Variants in PATJ observed in about 807,000 individuals in gnomAD.
The protein encoded by PATJ is PATJ crumbs cell polarity complex component, also known as inaD-like protein.
In PATJ, 190 loss-of-function variants were observed where a neutral mutation model predicts 224.9. The observed-to-expected ratio is 0.84, with a 90% CI of 0.75 to 0.95. PATJ has a LOEUF of 0.95. PATJ is among the 40% of genes least tolerant of loss of function. The pLI, the probability that PATJ is intolerant of heterozygous loss-of-function variation, is 0.00. For missense variants in PATJ, 2,121 were observed against 2,270.3 expected, an observed-to-expected ratio of 0.93 and a Z score of 1.34; for synonymous variants, 769 against 820.3, an observed-to-expected ratio of 0.94 and a Z score of 1.07.
In PATJ at chr1:61,972,931, G is replaced by C. The variant is rs529024253; in HGVS notation, c.3671-17237G>C. ...TATACTTTTTTTTCTGATAGGCTGT[G>C]GTTCAAAATACCCCAAAGACAGTGT... On this transcript the variant is annotated intron_variant, in intron 27 of 43. Coordinates refer to ENST00000642238, the MANE Select transcript of PATJ (RefSeq NM_001350145.3). Among the ~76,000 whole-genome samples the C allele has an allele frequency of 2.0e-5, 3 of 151,796 alleles. No homozygotes were observed. In the East Asian group the frequency reaches 5.8e-4, roughly 29 times the overall value.
intron 33 of PATJ, among the ~76,000 whole-genome samples, chr1:62,107,415 C>T (rs777766111): frequency 6.6e-6 from 1 of 152,132 alleles, no homozygotes; most frequent in Non-Finnish European, 1.5e-5. Flanking sequence ...GAGCCAATGA[C>T]TTCTGGTTAC....
intron 28 of PATJ, among the ~76,000 whole-genome samples, chr1:62,004,156 C>T (rs1645957514): frequency 6.6e-6 from 1 of 152,150 alleles, no homozygotes; most frequent in South Asian, 2.1e-4. Flanking sequence ...TTATTTGTTT[C>T]CAAAACCATG....
In PATJ at chr1:62,089,527, C is replaced by T. The variant is rs574268894; in HGVS notation, c.4377+4879C>T. ...GGACACAGCTTTTATTTCCTAACCT[C>T]AGGTACCTCATCAAAAGCCATAAGT... On this transcript the variant is annotated intron_variant, in intron 33 of 43. Coordinates refer to ENST00000642238, the MANE Select transcript of PATJ (RefSeq NM_001350145.3). Among the ~76,000 whole-genome samples, 39 of 152,224 alleles carry T rather than the reference C, an allele frequency of 2.6e-4. No individual in the cohort carries two copies. In the South Asian group the frequency reaches 8.1e-3, roughly 32 times the overall value.
At chr1:61,982,032 T>G (rs1644479161) in intron 27 of PATJ, among the ~76,000 whole-genome samples, 1 of 152,004 alleles carries the variant, frequency 6.6e-6, no homozygotes. Context: ...GCAGGACACC[T>G]GTCACATACA....
In PATJ at chr1:62,121,196, G is replaced by A. The variant is rs370264369; in HGVS notation, c.4906G>A (p.Ala1636Thr). The part of the protein sequence containing the change: ...SQNSQGSQQS[A>T]HSSCHPSFAP... ...TTTCTTTCAGGGTAGTCAGCAGAGT[G>A]CACACAGCAGCTGTCATCCCTCCTT... The change falls in exon 38 of 44, where the codon GCA becomes ACA. Residue 1636 changes from alanine (A) to threonine (T), a missense_variant. By Grantham distance (58) the Ala-to-Thr change is moderately conservative. Transcript: ENST00000642238. 6 of 1,613,210 alleles carry A rather than the reference G, an allele frequency of 3.7e-6. No individual in the cohort carries two copies. In the African/African-American group the frequency reaches 5.3e-5, roughly 14 times the overall value.
At chr1:61,814,130 CTTT>C (rs762502160) in intron 14 of PATJ, among the ~76,000 whole-genome samples, 2 of 85,898 alleles carry the variant, frequency 2.3e-5, no homozygotes, top group African/African-American at 4.8e-5. Context: ...TTATTCTCTT[CTTT>C]TTTTTTTTTT....
chr1:62,093,483 C>T (rs576553224), intron 33 of PATJ, among the ~76,000 whole-genome samples: 136 of 152,300 alleles, frequency 8.9e-4, no homozygotes, highest in African/African-American at 3.2e-3. Flanking sequence ...GTGTGGTTTG[C>T]TTTGGCATGT....
chr1:62,035,316 T>C (rs1251343641), intron 29 of PATJ, among the ~76,000 whole-genome samples: 2 of 152,230 alleles, frequency 1.3e-5, no homozygotes, highest in African/African-American at 4.8e-5. Context: ...TGCTTTGGTT[T>C]GGTTCACGCC....
At chr1:62,063,764 A>G (rs970632798) in intron 31 of PATJ, among the ~76,000 whole-genome samples, 5 of 151,996 alleles carry the variant, frequency 3.3e-5, no homozygotes, top group Admixed American at 1.3e-4. Context: ...TTGTGTGGCT[A>G]TTGTAAATGG....
At position 61,856,020 on chromosome 1, in the gene PATJ, C is replaced by G; in HGVS notation, c.2113-10C>G. ...CATGGACTCATCCTTCTTCTTTGCT[C>G]GATTCACAGGACCCTTTAGATCCTA... On this transcript the variant is annotated splice_polypyrimidine_tract_variant and intron_variant, in intron 17 of 43. Coordinates refer to ENST00000642238, the MANE Select transcript of PATJ (RefSeq NM_001350145.3). The G allele has an allele frequency of 6.2e-7, 1 of 1,608,330 alleles. No individual in the cohort carries two copies.
At chr1:62,156,918 A>G (rs950556908) in intron 43 of PATJ, among the ~76,000 whole-genome samples, 3 of 152,084 alleles carry the variant, frequency 2.0e-5, no homozygotes, top group African/African-American at 4.8e-5. Context: ...CCTGTCAAAA[A>G]AAAAAAAAAA....
intron 28 of PATJ, among the ~76,000 whole-genome samples, chr1:61,999,816 C>T (rs544974789): frequency 6.6e-6 from 1 of 152,262 alleles, no homozygotes; most frequent in African/African-American, 2.4e-5. Context: ...CACACATATA[C>T]ATATACAGTT....
At chr1:61,877,344 TTC>T (rs1485758885) in intron 21 of PATJ, among the ~76,000 whole-genome samples, 1 of 151,814 alleles carries the variant, frequency 6.6e-6, no homozygotes, top group Admixed American at 6.6e-5. Context: ...TGTTATTCCA[TTC>T]TTGCATCTCA....
chr1:61,957,642 T>C (rs1680625909), intron 27 of PATJ, among the ~76,000 whole-genome samples: 3 of 152,206 alleles, frequency 2.0e-5, no homozygotes, highest in African/African-American at 7.2e-5. Context: ...CCGTGAACCT[T>C]TGGTGCAGCA....
chr1:62,069,611 T>C (rs1206770606), intron 31 of PATJ, among the ~76,000 whole-genome samples: 2 of 152,230 alleles, frequency 1.3e-5, no homozygotes, highest in Non-Finnish European at 2.9e-5. Context: ...TTCTCATCTA[T>C]TCCTTCTACA....
chr1:61,878,101 A>G (rs1423929557), intron 21 of PATJ, among the ~76,000 whole-genome samples: 1 of 152,224 alleles, frequency 6.6e-6, no homozygotes, highest in Non-Finnish European at 1.5e-5. Flanking sequence ...AACCTATGCA[A>G]CTTAGTGGTG....
At chr1:61,994,607 T>G (rs1036399893) in intron 28 of PATJ, among the ~76,000 whole-genome samples, 1 of 151,352 alleles carries the variant, frequency 6.6e-6, no homozygotes, top group African/African-American at 2.4e-5. Context: ...CAGTCTGGAG[T>G]GCAATGGCGC....
chr1:61,931,779 A>G (rs571528052), intron 27 of PATJ, among the ~76,000 whole-genome samples: 2 of 152,262 alleles, frequency 1.3e-5, no homozygotes, highest in South Asian at 4.1e-4. Context: ...TGAAACCTAA[A>G]TGAAGAAGGA....
chr1:61,849,759 A>T (rs985982081), intron 17 of PATJ, among the ~76,000 whole-genome samples: 6 of 152,192 alleles, frequency 3.9e-5, no homozygotes, highest in Admixed American at 3.9e-4. Context: ...TTAAATTCCT[A>T]TCCTGTTATT....
Sources: gnomAD v4.1 joint callset for allele counts (sites outside exome capture counted in the v4.1 genomes callset) on GRCh38, gnomAD v4.1.1 for gene constraint, MANE v1.5 for transcripts, NCBI Gene and HGNC (gene_info 2026-07-23, HGNC 2026-07-21) for gene names.